IL1RAPL2: variants seen among roughly 807,000 people sequenced by gnomAD.
IL1RAPL2 encodes interleukin 1 receptor accessory protein like 2, also known as X-linked interleukin-1 receptor accessory protein-like 2.
In IL1RAPL2, 3 loss-of-function variants were observed where a neutral mutation model predicts 44.1. The ratio of observed to expected loss-of-function variants is 0.07; its 90% CI spans 0.03 to 0.18. The LOEUF is 0.18. Among genes scored for constraint, IL1RAPL2 ranks in the 10% least tolerant of loss-of-function variants. The pLI is 1.00. For synonymous variants in IL1RAPL2, 181 were observed against 178.8 expected (o/e 1.01, Z -0.10); for missense variants, 391 against 496.4 (o/e 0.79, Z 2.02).
chrX:105,317,185 C>T (rs2034849240), intron 5 of IL1RAPL2, among the ~76,000 whole-genome samples: 1 of 111,826 alleles, frequency 8.9e-6, no homozygotes, highest in Non-Finnish European at 1.9e-5. Flanking sequence ...GTTTATTGGA[C>T]CTGTAAAAAT....
rs767710533 is a variant in IL1RAPL2, at chrX:105,062,082, GT to G, written c.83-133387del. On this transcript the variant is annotated intron_variant, in intron 2 of 10. Coordinates refer to ENST00000372582, the MANE Select transcript of IL1RAPL2 (RefSeq NM_017416.2). ...GCTATTTTGTTATTTGTTTTCTGGG[GT>G]TTTTTGTAGTCTTCTCTTCCTTCTT... Among the ~76,000 whole-genome samples, 4 of 111,183 alleles carry G rather than the reference GT, an allele frequency of 3.6e-5. No homozygotes were observed. The South Asian group carries it at 1.5e-3, about 42-fold the overall frequency.
At chrX:105,034,831 C>G (rs1748949274) in intron 2 of IL1RAPL2, among the ~76,000 whole-genome samples, 1 of 112,367 alleles carries the variant, frequency 8.9e-6, no homozygotes, top group Non-Finnish European at 1.9e-5. Context: ...CTGTGCCCTG[C>G]CCCCAGTGGT....
At chrX:104,862,692 T>C (rs1922525204) in intron 2 of IL1RAPL2, among the ~76,000 whole-genome samples, 1 of 111,981 alleles carries the variant, frequency 8.9e-6, no homozygotes, top group East Asian at 2.8e-4. Flanking sequence ...TTAGTACGAT[T>C]ACTAATAATA....
chrX:105,039,800 C>T (rs776225737), intron 2 of IL1RAPL2, among the ~76,000 whole-genome samples: 35 of 111,309 alleles, frequency 3.1e-4, no homozygotes, highest in Non-Finnish European at 2.3e-4. Flanking sequence ...TGGGGTTTTC[C>T]AGATATACAA....
chrX:105,294,791 G>A (rs939232928), intron 5 of IL1RAPL2, among the ~76,000 whole-genome samples: 5 of 111,775 alleles, frequency 4.5e-5, no homozygotes, highest in East Asian at 2.8e-4. Context: ...CACTATTCTA[G>A]GTCCTTTACA....
At chrX:105,367,732 A>G (rs1250398350) in intron 5 of IL1RAPL2, among the ~76,000 whole-genome samples, 1 of 111,454 alleles carries the variant, frequency 9.0e-6, no homozygotes, top group Non-Finnish European at 1.9e-5. Context: ...TGTTTATAAT[A>G]GTTTTATCTT....
intron 6 of IL1RAPL2, among the ~76,000 whole-genome samples, chrX:105,629,589 A>C (rs759842926): frequency 9.0e-6 from 1 of 111,448 alleles, no homozygotes; most frequent in Non-Finnish European, 1.9e-5. Context: ...TCAGTCTTCT[A>C]TTTGATATGG....
At chrX:105,316,866 A>C (rs1486473150) in intron 5 of IL1RAPL2, among the ~76,000 whole-genome samples, 2 of 111,229 alleles carry the variant, frequency 1.8e-5, no homozygotes, top group African/African-American at 6.6e-5. Flanking sequence ...TTGTTTAAAC[A>C]TTCAGTTTTA....
intron 5 of IL1RAPL2, among the ~76,000 whole-genome samples, chrX:105,431,842 C>T (rs1489665753): frequency 1.8e-5 from 2 of 111,219 alleles, no homozygotes; most frequent in African/African-American, 6.5e-5. Context: ...ACATGCAACT[C>T]GTGCAAATTT....
intron 6 of IL1RAPL2, among the ~76,000 whole-genome samples, chrX:105,685,830 C>A (rs187659089): frequency 1.1e-3 from 124 of 111,915 alleles, no homozygotes; most frequent in African/African-American, 3.8e-3. Flanking sequence ...CAGAGGGAAG[C>A]CCATCAGACT....
intron 2 of IL1RAPL2, among the ~76,000 whole-genome samples, chrX:105,059,056 T>C (rs747159716): frequency 5.2e-4 from 58 of 112,098 alleles, no homozygotes; most frequent in African/African-American, 1.8e-3. Context: ...CAATGCATAA[T>C]AATTCACGTC....
intron 6 of IL1RAPL2, among the ~76,000 whole-genome samples, chrX:105,632,571 T>TG (rs1300277369): frequency 8.9e-6 from 1 of 111,753 alleles, no homozygotes; most frequent in Non-Finnish European, 1.9e-5. Context: ...CACTCTTCTC[T>TG]TTTGCCCCCA....
At chrX:104,850,971 G>T (rs1922209036) in intron 2 of IL1RAPL2, among the ~76,000 whole-genome samples, 1 of 111,295 alleles carries the variant, frequency 9.0e-6, no homozygotes, top group African/African-American at 3.3e-5. Context: ...ATGTATAGTT[G>T]TCTAGAATTC....
At chrX:104,796,861 C>T (rs1438951353) in intron 2 of IL1RAPL2, among the ~76,000 whole-genome samples, 1 of 111,462 alleles carries the variant, frequency 9.0e-6, no homozygotes, top group Non-Finnish European at 1.9e-5. Flanking sequence ...ACCTCCACCT[C>T]CCAGGTTCAA....
intron 2 of IL1RAPL2, among the ~76,000 whole-genome samples, chrX:104,769,031 G>A (rs1017799765): frequency 6.3e-5 from 7 of 111,080 alleles, no homozygotes; most frequent in Non-Finnish European, 1.1e-4. Context: ...TGTGACATTG[G>A]CAAGTGGTTT....
At chrX:105,200,927 A>C (rs2033712271) in intron 3 of IL1RAPL2, among the ~76,000 whole-genome samples, 1 of 111,492 alleles carries the variant, frequency 9.0e-6, no homozygotes, top group African/African-American at 3.3e-5. Context: ...ACACACACAC[A>C]CACACACACA....
intron 2 of IL1RAPL2, among the ~76,000 whole-genome samples, chrX:104,665,938 GT>G (rs1041847228): frequency 1.4e-4 from 16 of 111,526 alleles, no homozygotes; most frequent in African/African-American, 5.2e-4. Context: ...GTTGGATAAA[GT>G]TTTTATTTAA....
At chrX:105,432,129 CTTTT>C (rs386417369) in intron 5 of IL1RAPL2, among the ~76,000 whole-genome samples, 4 of 44,839 alleles carry the variant, frequency 8.9e-5, no homozygotes, top group African/African-American at 3.7e-4. Flanking sequence ...TTCAATTTGC[CTTTT>C]TTTTTTTTTT....
At chrX:105,447,332 A>T (rs1381993778) in intron 5 of IL1RAPL2, among the ~76,000 whole-genome samples, 1 of 65,565 alleles carries the variant, frequency 1.5e-5, no homozygotes, top group Non-Finnish European at 2.5e-5. Context: ...AATATATATA[A>T]AAATATAAAT....
Sources: gnomAD v4.1 joint callset for allele counts (sites outside exome capture counted in the v4.1 genomes callset) on GRCh38, gnomAD v4.1.1 for gene constraint, MANE v1.5 for transcripts, NCBI Gene and HGNC (gene_info 2026-07-23, HGNC 2026-07-21) for gene names.